SHISA5: variants seen among roughly 807,000 people sequenced by gnomAD.
The protein encoded by SHISA5 is shisa family member 5.
In SHISA5, 21 loss-of-function variants were observed where a neutral mutation model predicts 27.5. The observed-to-expected ratio is 0.76, with a 90% CI of 0.54 to 1.10. The LOEUF is 1.10. SHISA5 is among the 50% of genes least tolerant of loss of function. SHISA5 has a pLI of 0.00. For synonymous variants in SHISA5, 137 were observed against 142.2 expected, an observed-to-expected ratio of 0.96 and a Z score of 0.26; for missense variants, 314 against 336.3, an observed-to-expected ratio of 0.93 and a Z score of 0.52.
rs779579373 is a variant in SHISA5 at position 48,469,691 on chromosome 3, CCAGGGGGTCACAGTGGGG to C, written c.430+19_430+36del. ...GGCCTGGTCAGCTTCCCTTACCACC[CCAGGGGGTCACAGTGGGG>C]CAGGGTGGGCACGCTTACGACGTGG... On this transcript the variant is annotated intron_variant, in intron 4 of 5. Coordinates refer to ENST00000296444, the MANE Select transcript of SHISA5 (RefSeq NM_016479.6). The surrounding 1 kb of genome is among the most constrained non-coding windows in gnomAD (Gnocchi z 4.6). 6.2e-7 allele frequency: 1 copy of C among 1,612,068 alleles called. No homozygotes were observed. The highest frequency in any genetic ancestry group is 2.2e-5 in the East Asian group (1 of 44,810).
chr3:48,494,627 G>A lies in SHISA5; in HGVS notation c.233+6510C>T, dbSNP rs1048995810. Among the ~76,000 whole-genome samples, 12 of 147,556 alleles carry A rather than the reference G, an allele frequency of 8.1e-5. 1 individual carries two copies. In the South Asian group the frequency reaches 1.3e-3, roughly 16 times the overall value. ...TCTTTTTAAGGCTGAATAGTATTTC[G>A]CTGTGTACATATACCACATTTTCTT... On this transcript the variant is annotated intron_variant, in intron 2 of 5. Transcript: ENST00000296444.
In SHISA5 at chr3:48,492,797, G is replaced by C. The variant is rs1489358326; in HGVS notation, c.233+8340C>G. 1.2e-4 allele frequency among the ~76,000 whole-genome samples: 18 copies of C among 147,366 alleles called. 6 individuals carry two copies. The highest frequency in any genetic ancestry group is 4.3e-4 in the African/African-American group (16 of 37,190). On this transcript the variant is annotated intron_variant, in intron 2 of 5. Transcript: ENST00000296444. The stretch of plus-strand genomic sequence containing the variant: ...GGCATTAGAGGCATTCCCAGAACTG[G>C]GGTTAATCAGAAGTCAACATGGGCA...
At chr3:48,483,772 C>A (rs2041107793) in intron 2 of SHISA5, among the ~76,000 whole-genome samples, 1 of 149,584 alleles carries the variant, frequency 6.7e-6, no homozygotes, top group Non-Finnish European at 1.5e-5. Context: ...GGGGGCTGAC[C>A]CCACCACCTC....
At position 48,468,016 on chromosome 3, in the gene SHISA5, A is replaced by C; in HGVS notation, c.*1091T>G. On this transcript the variant is annotated 3_prime_UTR_variant, in exon 6 of 6. Transcript: ENST00000296444. ...TATTCATGTCTGGGCCAGAGCTGCC[A>C]TCCAGGGCCCCACACCCCACCTTTG... 2.6e-6 allele frequency: 1 copy of C among 382,932 alleles called. No individual in the cohort carries two copies. The highest frequency in any genetic ancestry group is 3.8e-6 in the Non-Finnish European group (1 of 263,316). The allele number at this position is 382,932 out of a possible 1,614,324, so 23.7% of individuals were successfully genotyped here. A position where few individuals can be genotyped will look rare whatever the true frequency, so the allele number is the denominator to read the frequency against.
intron 2 of SHISA5, among the ~76,000 whole-genome samples, chr3:48,480,285 C>CA (rs57073358): frequency 0.044 from 4,544 of 103,456 alleles, 211 homozygotes; most frequent in African/African-American, 0.13. Flanking sequence ...TAAGAAGGTA[C>CA]AAAAAAAAAA....
chr3:48,479,340 G>T, intron 2 of SHISA5, 83 bp from the exon 3 acceptor site: 1 of 1,323,866 alleles, frequency 7.6e-7, no homozygotes, highest in Non-Finnish European at 1.0e-6. Context: ...ACCACAAAAC[G>T]TGCACAGAAG....
upstream of SHISA5, chr3:48,504,272 AG>A: frequency 2.7e-6 from 1 of 372,098 alleles, no homozygotes; most frequent in Non-Finnish European, 4.8e-6. The surrounding 1 kb of genome is among the most constrained non-coding windows in gnomAD (Gnocchi z 4.0). Context: ...AGGAGGGAGG[AG>A]GGAGGAAGGT....
At chr3:48,502,856 C>G (rs1196863529) in intron 1 of SHISA5, among the ~76,000 whole-genome samples, 1 of 152,222 alleles carries the variant, frequency 6.6e-6, no homozygotes, top group African/African-American at 2.4e-5. Flanking sequence ...AGGCCAGGCA[C>G]CTGGCCATGT....
In SHISA5 at chr3:48,470,355, C is replaced by T. The variant is rs985691337; in HGVS notation, c.315-512G>A. On this transcript the variant is annotated intron_variant, in intron 3 of 5. Transcript: ENST00000296444. This position sits in a 1 kb window ranked among gnomAD's most constrained non-coding sequence, Gnocchi z 4.3. The stretch of plus-strand genomic sequence containing the variant: ...AGGGCAGAGGCCAGTGTGGCCAGAA[C>T]AGGAGGCCCCCATTGTTCCCCTGCA... Among the ~76,000 whole-genome samples, 3 of 152,214 alleles carry T rather than the reference C, an allele frequency of 2.0e-5. No homozygotes were observed. The highest frequency in any genetic ancestry group is 6.5e-5 in the Admixed American group (1 of 15,280).
chr3:48,503,211 A>G (rs1438994994), intron 1 of SHISA5: 2 of 1,279,232 alleles, frequency 1.6e-6, no homozygotes, highest in South Asian at 2.5e-5. Flanking sequence ...CACACCGGTG[A>G]GGCTGTTTAG....
chr3:48,494,457 G>A (rs1185209881), intron 2 of SHISA5, among the ~76,000 whole-genome samples: 4 of 146,006 alleles, frequency 2.7e-5, no homozygotes, highest in African/African-American at 1.1e-4. Context: ...ACCACCACCA[G>A]CTAATTTTTG....
chr3:48,503,008 G>T, intron 1 of SHISA5: 2 of 909,546 alleles, frequency 2.2e-6, no homozygotes, highest in Non-Finnish European at 3.1e-6. Flanking sequence ...TGCACTTCTT[G>T]GCAGCTCCAG....
intron 2 of SHISA5, among the ~76,000 whole-genome samples, chr3:48,483,379 A>T (rs2041086751): frequency 6.6e-6 from 1 of 152,094 alleles, no homozygotes; most frequent in Non-Finnish European, 1.5e-5. Context: ...GACACAGCAC[A>T]TGTTTCAGAG....
chr3:48,501,474 A>G (rs1480912963), intron 1 of SHISA5, among the ~76,000 whole-genome samples, 181 bp from the exon 2 acceptor site: 7 of 151,902 alleles, frequency 4.6e-5, no homozygotes, highest in Non-Finnish European at 1.0e-4. Flanking sequence ...GCCTTGCCCT[A>G]TCCCACGGGC....
At chr3:48,501,322 T>C in intron 1 of SHISA5, 29 bp from the exon 2 acceptor site, 1 of 1,607,272 alleles carries the variant, frequency 6.2e-7, no homozygotes, top group African/African-American at 1.3e-5. Flanking sequence ...TCTGTTCACC[T>C]GTGCCCACGG....
intron 2 of SHISA5, among the ~76,000 whole-genome samples, chr3:48,486,460 TTTATAA>T (rs1270064030): frequency 4.7e-5 from 5 of 106,066 alleles, no homozygotes; most frequent in Non-Finnish European, 6.9e-5. Flanking sequence ...ATATTATATA[TTTATAA>T]TTATATTATA....
chr3:48,487,828 A>G (rs1032094466), intron 2 of SHISA5, among the ~76,000 whole-genome samples: 1 of 152,160 alleles, frequency 6.6e-6, no homozygotes, highest in Non-Finnish European at 1.5e-5. Context: ...CCTGGGAGGC[A>G]GAGGTTGCAG....
At chr3:48,503,081 G>C in intron 1 of SHISA5, 1 of 1,287,432 alleles carries the variant, frequency 7.8e-7, no homozygotes, top group South Asian at 1.2e-5. Flanking sequence ...AGCCCAGTTT[G>C]GCCAGCTGCC....
rs1362415016 is a variant in SHISA5, at chr3:48,477,075, G to A, written c.314+2102C>T. ...GCTTGTTCCGCACTGTCTCCTCCTT[G>A]TTGTCCCAGCTCAAATCTATAACAT... On this transcript the variant is annotated intron_variant, in intron 3 of 5. Coordinates refer to ENST00000296444, the MANE Select transcript of SHISA5 (RefSeq NM_016479.6). 5 of 445,472 alleles carry A rather than the reference G, an allele frequency of 1.1e-5. No homozygotes were observed. The East Asian group carries it at 2.9e-4, about 25-fold the overall frequency. The allele number at this position is 445,472 out of a possible 1,614,324, so 27.6% of individuals were successfully genotyped here.
Sources: allele counts gnomAD v4.1 joint callset (sites outside exome capture counted in the v4.1 genomes callset), GRCh38; gene constraint gnomAD v4.1.1; non-coding constraint Gnocchi (gnomAD v3.1); transcripts MANE v1.5; gene names NCBI Gene and HGNC (gene_info 2026-07-23, HGNC 2026-07-21).